TBATA: variants seen among roughly 807,000 people sequenced by gnomAD.
The protein encoded by TBATA is thymus, brain and testes associated, also known as protein TBATA.
A neutral mutation model predicts 38.7 loss-of-function variants in TBATA; 47 were observed. The observed-to-expected ratio is 1.21, with a 90% CI of 0.96 to 1.55. The LOEUF (loss-of-function observed/expected upper bound fraction) is 1.55, where lower values mean the gene tolerates loss of function less well. Among genes scored for constraint, TBATA ranks in the 40% most tolerant of loss-of-function variants. The pLI, the probability that TBATA is intolerant of heterozygous loss-of-function variation, is 0.00. For missense variants in TBATA, 436 were observed against 435.6 expected (o/e 1.00, Z -0.01); for synonymous variants, 183 against 170.5 (o/e 1.07, Z -0.57).
intron 6 of TBATA, among the ~76,000 whole-genome samples, chr10:70,778,206 C>G (rs896114745): frequency 3.9e-5 from 6 of 152,188 alleles, no homozygotes; most frequent in African/African-American, 1.4e-4. Context: ...GTCTGCCCCC[C>G]CTCACCTTTC....
At chr10:70,774,669 TCTC>T (rs1207735218) in intron 8 of TBATA, among the ~76,000 whole-genome samples, 1 of 151,970 alleles carries the variant, frequency 6.6e-6, no homozygotes, top group East Asian at 1.9e-4. Context: ...TCCTCCCCCT[TCTC>T]CTTCACTCTC....
At chr10:70,771,611 C>T in intron 10 of TBATA, 150 bp from the exon 11 acceptor site, 5 of 697,762 alleles carry the variant, frequency 7.2e-6, no homozygotes, top group Middle Eastern at 8.2e-4. Flanking sequence ...GGAGGGAATC[C>T]AACCTGAGAG....
chr10:70,779,853 A>G, intron 4 of TBATA, 111 bp from the exon 5 acceptor site: 1 of 1,137,488 alleles, frequency 8.8e-7, no homozygotes, highest in Non-Finnish European at 1.2e-6. Context: ...CTCTTCCAGT[A>G]ACCACCAGCT....
At chr10:70,771,504 T>TG (rs745670684) in intron 10 of TBATA, 43 bp from the exon 11 acceptor site, 1 of 1,597,098 alleles carries the variant, frequency 6.3e-7, no homozygotes, top group Non-Finnish European at 8.5e-7. Flanking sequence ...ACCGGGAAGG[T>TG]GGGGCCCCCA....
intron 4 of TBATA, 81 bp from the exon 5 acceptor site, chr10:70,779,823 C>G: frequency 7.1e-7 from 1 of 1,407,176 alleles, no homozygotes; most frequent in South Asian, 1.5e-5. Context: ...GGCTGAGAGG[C>G]AGGGTGATTC....
Position 70,783,422 on chromosome 10 carries a change from A to C in TBATA, c.-43T>G, listed in dbSNP as rs1199241321. The C allele has an allele frequency of 6.2e-7, 1 of 1,609,704 alleles. No individual in the cohort carries two copies. The highest frequency in any genetic ancestry group is 1.3e-5 in the African/African-American group (1 of 74,868). On this transcript the variant is annotated 5_prime_UTR_variant, in exon 3 of 11. Transcript: ENST00000456372. The stretch of plus-strand genomic sequence containing the variant: ...ACTAAAGGCCAGTGCACTTAATACT[A>C]GCGTTGAGGATGCAGAACAGGAACT...
At chr10:70,777,670 T>G in intron 6 of TBATA, 2 of 389,676 alleles carry the variant, frequency 5.1e-6, no homozygotes, top group Non-Finnish European at 9.8e-6. Context: ...GTGGTTCTCG[T>G]TCTCCCTCCC....
chr10:70,775,307 A>G (rs764161244), intron 7 of TBATA, 37 bp from the exon 8 acceptor site: 1 of 1,581,338 alleles, frequency 6.3e-7, no homozygotes, highest in South Asian at 1.1e-5. Flanking sequence ...AGCCAGGAGT[A>G]CAGGCAAGGA....
At chr10:70,780,527 C>T (rs1396152184) in intron 4 of TBATA, among the ~76,000 whole-genome samples, 1 of 152,028 alleles carries the variant, frequency 6.6e-6, no homozygotes, top group African/African-American at 2.4e-5. Flanking sequence ...GGTAGCTACA[C>T]GGACTCCTTG....
At chr10:70,785,053 G>A (rs1050049097) in intron 1 of TBATA, among the ~76,000 whole-genome samples, 8 of 152,198 alleles carry the variant, frequency 5.3e-5, no homozygotes, top group African/African-American at 1.9e-4. Context: ...CGGCTGTAGA[G>A]AGGCTGACAG....
intron 9 of TBATA, among the ~76,000 whole-genome samples, chr10:70,773,935 G>T (rs1394942224): frequency 6.6e-6 from 1 of 152,248 alleles, no homozygotes; most frequent in Admixed American, 6.5e-5. Context: ...GAAGAGTTAG[G>T]TGTGGCTAAT....
At chr10:70,784,187 CA>C (rs1844606348) in intron 2 of TBATA, among the ~76,000 whole-genome samples, 1 of 152,050 alleles carries the variant, frequency 6.6e-6, no homozygotes, top group Non-Finnish European at 1.5e-5. Flanking sequence ...CAGCATCAAA[CA>C]AGGAAATGCT....
At chr10:70,772,217 T>G (rs1010549459) in intron 10 of TBATA, 3 of 594,756 alleles carry the variant, frequency 5.0e-6, no homozygotes, top group South Asian at 1.5e-5. Flanking sequence ...ACAGTATCTG[T>G]CTCCACTCCT....
intron 9 of TBATA, 95 bp downstream of exon 9, chr10:70,774,118 C>T: frequency 6.6e-7 from 1 of 1,517,560 alleles, no homozygotes; most frequent in Non-Finnish European, 8.9e-7. Context: ...TCAGCCCAGA[C>T]CCTGGTCAGC....
In TBATA at chr10:70,783,411, C is replaced by T; in HGVS notation, c.-32G>A. 3 of 1,613,228 alleles carry T rather than the reference C, an allele frequency of 1.9e-6. No homozygotes were observed. The highest frequency in any genetic ancestry group is 2.5e-6 in the Non-Finnish European group (3 of 1,179,184). On this transcript the variant is annotated 5_prime_UTR_variant, in exon 3 of 11. Coordinates refer to ENST00000456372, the MANE Select transcript of TBATA (RefSeq NM_001318241.2). Reference sequence around the variant, plus strand: ...CTTTTTAACAGACTAAAGGCCAGTGCACTTAATACTAGCGTTGAGGATGCA... The same window carrying T: ...CTTTTTAACAGACTAAAGGCCAGTGTACTTAATACTAGCGTTGAGGATGCA...
chr10:70,776,382 C>T (rs1021562484), intron 7 of TBATA: 11 of 456,182 alleles, frequency 2.4e-5, no homozygotes, highest in African/African-American at 8.0e-5. Flanking sequence ...GAGGTGAGGC[C>T]GCCCTATGGT....
At chr10:70,774,055 A>G (rs879284700) in intron 9 of TBATA, 158 bp downstream of exon 9, 14 of 554,908 alleles carry the variant, frequency 2.5e-5, no homozygotes, top group African/African-American at 6.1e-5. Flanking sequence ...CTTGGGTAGC[A>G]CTAGAAGGTC....
intron 9 of TBATA, among the ~76,000 whole-genome samples, chr10:70,773,524 C>A (rs1289996543): frequency 6.6e-6 from 1 of 150,770 alleles, no homozygotes; most frequent in Non-Finnish European, 1.5e-5. Context: ...GCATTTTTAA[C>A]AAGCTCCCGG....
rs200345188 is a variant in TBATA, at chr10:70,779,574, G to A, written c.427+19C>T. ...GGCATGAGCCCCAGGGTAGAGGGAGGCATGGCCCAAGTACCCACCAGAAGA... is the reference window on the plus strand; with the variant it reads ...GGCATGAGCCCCAGGGTAGAGGGAGACATGGCCCAAGTACCCACCAGAAGA... On this transcript the variant is annotated intron_variant, in intron 5 of 10. Transcript: ENST00000456372. 315 of 1,465,134 alleles carry A rather than the reference G, an allele frequency of 2.1e-4. 1 individual carries two copies. The highest frequency in any genetic ancestry group is 9.8e-4 in the South Asian group (64 of 65,456). The allele number at this position is 1,465,134 out of a possible 1,614,324, so 90.8% of individuals were successfully genotyped here.
Sources: allele counts gnomAD v4.1 joint callset (sites outside exome capture counted in the v4.1 genomes callset), GRCh38; gene constraint gnomAD v4.1.1; transcripts MANE v1.5; gene names NCBI Gene and HGNC (gene_info 2026-07-23, HGNC 2026-07-21).